Variants in KMT2C observed in about 807,000 individuals in gnomAD.
The protein encoded by KMT2C is lysine methyltransferase 2C, also known as histone-lysine N-methyltransferase 2C.
In KMT2C, 88 loss-of-function variants were observed where a neutral mutation model predicts 507.9. That is an observed-to-expected ratio of 0.17 (90% CI 0.15 to 0.21). The LOEUF (loss-of-function observed/expected upper bound fraction) is 0.21, where lower values mean the gene tolerates loss of function less well. Among genes scored for constraint, KMT2C ranks in the 10% least tolerant of loss-of-function variants. The pLI is 1.00. For missense variants in KMT2C, 4,954 were observed against 5,957.8 expected, an observed-to-expected ratio of 0.83 and a Z score of 5.55; for synonymous variants, 2,049 against 2,080.8, an observed-to-expected ratio of 0.98 and a Z score of 0.42.
intron 2 of KMT2C, among the ~76,000 whole-genome samples, chr7:152,334,163 G>A (rs1034531000): frequency 2.6e-5 from 4 of 152,142 alleles, no homozygotes; most frequent in African/African-American, 7.2e-5. Context: ...CCTGTAGAAC[G>A]TAGACAAAGG....
At chr7:152,160,318 A>T (rs2092369310) in intron 43 of KMT2C, among the ~76,000 whole-genome samples, 1 of 152,168 alleles carries the variant, frequency 6.6e-6, no homozygotes, top group African/African-American at 2.4e-5. Context: ...AGAAATGCAG[A>T]TTATCTGGTC....
chr7:152,414,609 ATCTT>A (rs2097715510), intron 1 of KMT2C, among the ~76,000 whole-genome samples: 3 of 151,876 alleles, frequency 2.0e-5, no homozygotes, highest in African/African-American at 7.3e-5. Flanking sequence ...TTTGGAAAAA[ATCTT>A]TTTTTTTTTT....
intron 3 of KMT2C, among the ~76,000 whole-genome samples, chr7:152,328,186 C>T (rs2096848381): frequency 6.6e-6 from 1 of 152,096 alleles, no homozygotes; most frequent in South Asian, 2.1e-4. Flanking sequence ...GTTTTCTTTT[C>T]CATCCTACTC....
At chr7:152,151,716 A>G in intron 49 of KMT2C, 135 bp from the exon 50 acceptor site, 1 of 613,180 alleles carries the variant, frequency 1.6e-6, no homozygotes, top group East Asian at 3.1e-5. Flanking sequence ...AAAAAAATTT[A>G]TCTTCTAAGC....
chr7:152,273,354 C>G (rs2096012834), intron 7 of KMT2C, among the ~76,000 whole-genome samples: 1 of 152,062 alleles, frequency 6.6e-6, no homozygotes, highest in Admixed American at 6.6e-5. Flanking sequence ...AACTGGATGG[C>G]TTTTTAGTGT....
At chr7:152,373,961 T>A (rs547005727) in intron 1 of KMT2C, among the ~76,000 whole-genome samples, 1 of 152,236 alleles carries the variant, frequency 6.6e-6, no homozygotes, top group South Asian at 2.1e-4. Context: ...ACCTATAGAA[T>A]ATGATAAAGT....
intron 43 of KMT2C, among the ~76,000 whole-genome samples, chr7:152,160,612 A>ATT (rs1399129195): frequency 6.9e-6 from 1 of 145,018 alleles, no homozygotes; most frequent in Non-Finnish European, 1.5e-5. Flanking sequence ...CTAAAAATTA[A>ATT]TTATATATAT....
intron 56 of KMT2C, 62 bp from the exon 57 acceptor site, chr7:152,139,321 A>G: frequency 6.8e-7 from 1 of 1,474,028 alleles, no homozygotes; most frequent in Non-Finnish European, 9.4e-7. Flanking sequence ...CTGTGTTCCT[A>G]TCCACACCAG....
chr7:152,212,991 TGAGCG>T (rs1349124441), intron 23 of KMT2C, among the ~76,000 whole-genome samples: 2 of 152,222 alleles, frequency 1.3e-5, no homozygotes, highest in African/African-American at 4.8e-5. Context: ...GAGGTTGCAG[TGAGCG>T]GAGATCACAC....
intron 1 of KMT2C, chr7:152,367,578 T>C: frequency 3.1e-6 from 4 of 1,273,776 alleles, no homozygotes; most frequent in Non-Finnish European, 4.6e-6. Context: ...CAGATTTGTA[T>C]GCTCCAGAGT....
intron 1 of KMT2C, among the ~76,000 whole-genome samples, chr7:152,416,067 G>A (rs1163459208): frequency 6.6e-6 from 1 of 151,898 alleles, no homozygotes; most frequent in African/African-American, 2.4e-5. Context: ...ACCTTTTTAG[G>A]GAGTGGCATT....
rs753006032 is a variant in KMT2C, at chr7:152,330,609, G to T, written c.381C>A (p.Ala127=). ...ANSLVSVGVE[A]KISEQLCAFC... The stretch of plus-strand genomic sequence containing the variant: ...TGCATTCATTCTCTAACCTGATTTT[G>T]GCTTCTACACCAACAGAGACCAGGG... Residue 127 remains alanine (A), a synonymous_variant, in exon 3 of 59, where the codon GCC becomes GCA. Transcript: ENST00000262189. 6.2e-7 allele frequency: 1 copy of T among 1,613,792 alleles called. No individual in the cohort carries two copies. The highest frequency in any genetic ancestry group is 1.3e-5 in the African/African-American group (1 of 74,878).
At chr7:152,241,193 G>A (rs568194603) in intron 14 of KMT2C, among the ~76,000 whole-genome samples, 1 of 152,112 alleles carries the variant, frequency 6.6e-6, no homozygotes, top group African/African-American at 2.4e-5. Flanking sequence ...TAAATGTCTG[G>A]CATTTTCTTT....
rs1303291860 is a variant in KMT2C at position 152,136,858 on chromosome 7, C to T, written c.14710G>A (p.Val4904Met). The part of the protein sequence containing the change: ...QHKIPCHCGA[V>M]NCRKWMN ...CAGTTCATCCACTTCCGGCAGTTCA[C>T]AGCTCCACAGTGACACGGAATCTTG... Residue 4904 changes from valine to methionine, a missense_variant, in exon 59 of 59, where the codon GTG (valine) becomes ATG (methionine). By Grantham distance (21) the Val-to-Met change is conservative (BLOSUM62 1). Transcript: ENST00000262189. The T allele has an allele frequency of 2.5e-6, 4 of 1,613,622 alleles. No homozygotes were observed. Among genetic ancestry groups the T allele is most frequent in the South Asian group, 1.1e-5 (1 of 91,086 alleles).
chr7:152,300,550 G>A (rs1300597308), intron 6 of KMT2C, among the ~76,000 whole-genome samples: 1 of 152,136 alleles, frequency 6.6e-6, no homozygotes, highest in Non-Finnish European at 1.5e-5. Flanking sequence ...TAAGGAAGCT[G>A]GTACATGGAT....
At chr7:152,381,945 T>C (rs1352873450) in intron 1 of KMT2C, among the ~76,000 whole-genome samples, 1 of 152,210 alleles carries the variant, frequency 6.6e-6, no homozygotes, top group East Asian at 1.9e-4. Context: ...TGAAGCTCAA[T>C]GTCCATGTCT....
At chr7:152,308,673 CAAAAA>C (rs938826373) in intron 6 of KMT2C, among the ~76,000 whole-genome samples, 34 of 24,564 alleles carry the variant, frequency 1.4e-3, no homozygotes, top group African/African-American at 3.9e-3. Flanking sequence ...AAACTCCTCT[CAAAAA>C]AAAAAAAAAA....
intron 1 of KMT2C, chr7:152,368,084 T>A (rs1214917408): frequency 1.1e-6 from 1 of 908,646 alleles, no homozygotes; most frequent in East Asian, 2.4e-5. Flanking sequence ...ACTGTTTACC[T>A]CTTGCTGTGG....
At chr7:152,254,450 A>G (rs1388874030) in intron 9 of KMT2C, among the ~76,000 whole-genome samples, 1 of 152,160 alleles carries the variant, frequency 6.6e-6, no homozygotes, top group East Asian at 1.9e-4. Flanking sequence ...AATAAAGTTT[A>G]ACAAATTAAA....
Sources: gnomAD v4.1 joint callset for allele counts (sites outside exome capture counted in the v4.1 genomes callset) on GRCh38, gnomAD v4.1.1 for gene constraint, MANE v1.5 for transcripts, NCBI Gene and HGNC (gene_info 2026-07-23, HGNC 2026-07-21) for gene names.